Variants in SLC39A10 observed in about 807,000 individuals in gnomAD.
The protein encoded by SLC39A10 is solute carrier family 39 member 10, also known as zinc transporter ZIP10.
Under a neutral mutation model 65.1 loss-of-function variants are expected in SLC39A10, and 13 were observed. The ratio of observed to expected loss-of-function variants is 0.20; its 90% CI spans 0.13 to 0.32. The LOEUF (loss-of-function observed/expected upper bound fraction) is 0.32, where lower values mean the gene tolerates loss of function less well. Ranked by LOEUF, SLC39A10 falls within the 10% of genes least tolerant of loss-of-function variation. The probability of loss-of-function intolerance (pLI) is 1.00; values close to 1 mark genes in which losing one functional copy is unlikely to be tolerated. For missense variants in SLC39A10, 831 were observed against 1,018.4 expected, an observed-to-expected ratio of 0.82 and a Z score of 2.50; for synonymous variants, 321 against 342.2, an observed-to-expected ratio of 0.94 and a Z score of 0.68.
chr2:195,686,442 C>T (rs979695540), intron 3 of SLC39A10, among the ~76,000 whole-genome samples: 20 of 152,004 alleles, frequency 1.3e-4, no homozygotes, highest in Admixed American at 2.6e-4. Context: ...CCCAGCTACT[C>T]GGGAGGCTGA....
intron 3 of SLC39A10, among the ~76,000 whole-genome samples, chr2:195,700,401 C>T (rs1691131804): frequency 6.6e-6 from 1 of 151,944 alleles, no homozygotes; most frequent in African/African-American, 2.4e-5. Flanking sequence ...GTGCTGTTTT[C>T]TTGTGGTTAT....
intron 3 of SLC39A10, among the ~76,000 whole-genome samples, chr2:195,702,452 C>T (rs2118839): frequency 0.53 from 79,849 of 151,938 alleles, 21,546 homozygotes; most frequent in Non-Finnish European, 0.6. Flanking sequence ...TCGAGCTTTC[C>T]CCTAGAAGTT....
rs1338489747 is a variant in SLC39A10 at position 195,728,729 on chromosome 2, C to G, written c.2337+380C>G. 1.3e-5 allele frequency among the ~76,000 whole-genome samples: 2 copies of G among 152,084 alleles called. No homozygotes were observed. Among genetic ancestry groups the G allele is most frequent in the African/African-American group, 2.4e-5 (1 of 41,418 alleles). On this transcript the variant is annotated intron_variant, in intron 9 of 9. Coordinates refer to ENST00000359634, the MANE Select transcript of SLC39A10 (RefSeq NM_020342.3). The surrounding 1 kb of genome is among the most constrained non-coding windows in gnomAD (Gnocchi z 4.4). Reference sequence around the variant, plus strand: ...TATTCCTGTTAGGTAAGCCAGTCTTCTGGAAGGAAGTGGTATATATTCCAT... The same window carrying G: ...TATTCCTGTTAGGTAAGCCAGTCTTGTGGAAGGAAGTGGTATATATTCCAT...
intron 1 of SLC39A10, among the ~76,000 whole-genome samples, chr2:195,678,389 T>C (rs539996356): frequency 6.6e-6 from 1 of 152,334 alleles, no homozygotes; most frequent in South Asian, 2.1e-4. Flanking sequence ...TATTTTCATT[T>C]GCTTTTTAGG....
At chr2:195,708,135 T>C (rs879302871) in intron 4 of SLC39A10, among the ~76,000 whole-genome samples, 42 of 152,146 alleles carry the variant, frequency 2.8e-4, no homozygotes, top group Non-Finnish European at 5.3e-4. Flanking sequence ...TGAAATAATC[T>C]GTACAACAAC....
chr2:195,729,852 G>A (rs574299649), intron 9 of SLC39A10, among the ~76,000 whole-genome samples: 21 of 151,832 alleles, frequency 1.4e-4, no homozygotes, highest in African/African-American at 5.1e-4. Context: ...AGGCCGGAAT[G>A]CAATGGTGCA....
At chr2:195,718,132 A>T in intron 7 of SLC39A10, 120 bp from the exon 8 acceptor site, 1 of 659,546 alleles carries the variant, frequency 1.5e-6, no homozygotes, top group East Asian at 2.7e-5. Flanking sequence ...AAGATAAGTG[A>T]GTCACTCATA....
At chr2:195,657,477 G>A (rs1026509401) in intron 1 of SLC39A10, 196 bp downstream of exon 1, 1 of 985,714 alleles carries the variant, frequency 1.0e-6, no homozygotes, top group Non-Finnish European at 1.2e-6. Context: ...CCGAAGCAGA[G>A]CGCGTGGTGG....
Position 195,706,170 on chromosome 2 carries a change from T to C in SLC39A10, c.1217-446T>C, listed in dbSNP as rs1272084934. ...GGGCTATGTTACATTTCTTAAACTCTGTATTAGAAAGATTTACAAAGATTG... is the reference window on the plus strand; with the variant it reads ...GGGCTATGTTACATTTCTTAAACTCCGTATTAGAAAGATTTACAAAGATTG... On this transcript the variant is annotated intron_variant, in intron 3 of 9. Transcript: ENST00000359634. Among the ~76,000 whole-genome samples the C allele has an allele frequency of 3.3e-5, 5 of 152,154 alleles. No individual in the cohort carries two copies. The East Asian group carries it at 9.6e-4, about 29-fold the overall frequency.
chr2:195,692,637 C>T (rs1267710617), intron 3 of SLC39A10, among the ~76,000 whole-genome samples: 1 of 152,156 alleles, frequency 6.6e-6, no homozygotes, highest in Non-Finnish European at 1.5e-5. Context: ...ATTTGATTCT[C>T]AGCTTGGTTG....
intron 2 of SLC39A10, among the ~76,000 whole-genome samples, chr2:195,624,446 TA>T (rs1490057466): frequency 1.6e-4 from 22 of 134,932 alleles, no homozygotes; most frequent in Non-Finnish European, 2.3e-4. Context: ...AAAAAATCAC[TA>T]AAAAATAAAA....
chr2:195,636,543 A>C (rs1386405404), intron 2 of SLC39A10, among the ~76,000 whole-genome samples: 1 of 151,866 alleles, frequency 6.6e-6, no homozygotes, highest in Non-Finnish European at 1.5e-5. Context: ...CAAGGTCAGG[A>C]GGTCGAGACC....
chr2:195,700,115 G>A (rs1185153266), intron 3 of SLC39A10, among the ~76,000 whole-genome samples: 2 of 152,088 alleles, frequency 1.3e-5, no homozygotes, highest in Non-Finnish European at 2.9e-5. Flanking sequence ...TGTCTTTGAT[G>A]TAAAGTGAGT....
intron 8 of SLC39A10, among the ~76,000 whole-genome samples, chr2:195,726,864 A>G (rs754804288): frequency 6.6e-6 from 1 of 152,198 alleles, no homozygotes; most frequent in Non-Finnish European, 1.5e-5. Context: ...AGTATTCTGT[A>G]TCGCACCTTG....
intron 1 of SLC39A10, chr2:195,658,500 G>C (rs1289619641): frequency 6.6e-6 from 1 of 152,202 alleles, no homozygotes; most frequent in Non-Finnish European, 1.5e-5. Context: ...CATTGGAACT[G>C]AGTCATTCTT....
intron 2 of SLC39A10, among the ~76,000 whole-genome samples, chr2:195,614,537 A>T (rs1688166383): frequency 6.6e-6 from 1 of 152,164 alleles, no homozygotes; most frequent in South Asian, 2.1e-4. Context: ...GCAGTGTCAC[A>T]TACTAAACTT....
At chr2:195,706,517 T>C in intron 3 of SLC39A10, 99 bp from the exon 4 acceptor site, 1 of 1,145,140 alleles carries the variant, frequency 8.7e-7, no homozygotes, top group Non-Finnish European at 1.2e-6. Context: ...TAAAATAGTC[T>C]ACCTTCTACG....
chr2:195,645,823 TAAAC>T (rs1449779290), intron 2 of SLC39A10, among the ~76,000 whole-genome samples: 4 of 152,192 alleles, frequency 2.6e-5, no homozygotes, highest in Non-Finnish European at 5.9e-5. Context: ...AAAATTAAAA[TAAAC>T]AATATCCTGC....
chr2:195,685,016 A>G (rs1439913901), intron 3 of SLC39A10, among the ~76,000 whole-genome samples: 1 of 152,156 alleles, frequency 6.6e-6, no homozygotes, highest in Non-Finnish European at 1.5e-5. Flanking sequence ...AACTTTTCTG[A>G]TATCTCAGAG....
Sources: gnomAD v4.1 joint callset for allele counts (sites outside exome capture counted in the v4.1 genomes callset) on GRCh38, gnomAD v4.1.1 for gene constraint, Gnocchi (gnomAD v3.1) non-coding constraint, MANE v1.5 for transcripts, NCBI Gene and HGNC (gene_info 2026-07-23, HGNC 2026-07-21) for gene names.